Variants in ZNF385B observed in about 807,000 individuals in gnomAD.
ZNF385B encodes zinc finger protein 533.
In ZNF385B, 23 loss-of-function variants were observed where a neutral mutation model predicts 39.2. That is an observed-to-expected ratio of 0.59 (90% CI 0.42 to 0.83). The LOEUF (loss-of-function observed/expected upper bound fraction) is 0.83, where lower values mean the gene tolerates loss of function less well. ZNF385B is among the 40% of genes least tolerant of loss of function. ZNF385B has a pLI of 0.00. For synonymous variants in ZNF385B, 205 were observed against 222.6 expected, an observed-to-expected ratio of 0.92 and a Z score of 0.70; for missense variants, 552 against 598.9, an observed-to-expected ratio of 0.92 and a Z score of 0.82.
At chr2:179,590,825 C>T (rs919760728) in intron 3 of ZNF385B, among the ~76,000 whole-genome samples, 3 of 152,072 alleles carry the variant, frequency 2.0e-5, no homozygotes, top group Admixed American at 1.3e-4. Flanking sequence ...CCTTACACAC[C>T]CCTTGCCTTC....
intron 1 of ZNF385B, among the ~76,000 whole-genome samples, chr2:179,794,735 T>G (rs1705549159): frequency 6.6e-6 from 1 of 152,118 alleles, no homozygotes. Context: ...CCTAGTTACC[T>G]TGAATCTGCA....
At chr2:179,463,060 A>C (rs780885827) in intron 6 of ZNF385B, among the ~76,000 whole-genome samples, 19 of 152,160 alleles carry the variant, frequency 1.2e-4, no homozygotes, top group Non-Finnish European at 2.1e-4. Flanking sequence ...TCAATAAATA[A>C]AACAGGGAGA....
chr2:179,844,514 C>T (rs1181509008), intron 1 of ZNF385B, among the ~76,000 whole-genome samples: 1 of 152,176 alleles, frequency 6.6e-6, no homozygotes, highest in South Asian at 2.1e-4. Flanking sequence ...CACAGTCAAG[C>T]ACCCCATAGT....
At chr2:179,733,274 T>G (rs1701512978) in intron 3 of ZNF385B, among the ~76,000 whole-genome samples, 2 of 152,164 alleles carry the variant, frequency 1.3e-5, no homozygotes. Flanking sequence ...ATCATCCAGT[T>G]ACCTGGTGGG....
chr2:179,576,591 C>T (rs987462585), intron 3 of ZNF385B, among the ~76,000 whole-genome samples: 2 of 152,102 alleles, frequency 1.3e-5, no homozygotes, highest in African/African-American at 2.4e-5. Context: ...TCCACATCAC[C>T]GTAGTTACTG....
chr2:179,495,027 G>A (rs996716162), intron 5 of ZNF385B, among the ~76,000 whole-genome samples: 21 of 152,050 alleles, frequency 1.4e-4, no homozygotes, highest in South Asian at 2.1e-4. Context: ...ATATCAGCAC[G>A]GCCACAGAGG....
At chr2:179,636,833 C>T (rs564414806) in intron 3 of ZNF385B, among the ~76,000 whole-genome samples, 2 of 152,110 alleles carry the variant, frequency 1.3e-5, no homozygotes, top group African/African-American at 2.4e-5. Flanking sequence ...AAGCCAAGCA[C>T]ATAATTTTAC....
At chr2:179,739,773 A>C (rs1408138390) in intron 3 of ZNF385B, among the ~76,000 whole-genome samples, 1 of 152,138 alleles carries the variant, frequency 6.6e-6, no homozygotes, top group African/African-American at 2.4e-5. Flanking sequence ...GCAAGTGATA[A>C]GCATCAGAGA....
At chr2:179,638,881 G>A (rs1323447643) in intron 3 of ZNF385B, among the ~76,000 whole-genome samples, 2 of 152,064 alleles carry the variant, frequency 1.3e-5, no homozygotes, top group African/African-American at 4.8e-5. Flanking sequence ...GGCACAATTT[G>A]AGTATCAAAA....
At chr2:179,807,023 A>G (rs568106063) in intron 1 of ZNF385B, among the ~76,000 whole-genome samples, 1 of 152,228 alleles carries the variant, frequency 6.6e-6, no homozygotes, top group Non-Finnish European at 1.5e-5. Context: ...CATTCGGAAG[A>G]TATGTATTCT....
chr2:179,724,487 A>G (rs901020480), intron 3 of ZNF385B, among the ~76,000 whole-genome samples: 2 of 152,188 alleles, frequency 1.3e-5, no homozygotes, highest in Non-Finnish European at 2.9e-5. Context: ...AGACATGCCA[A>G]TCAAGGTAGA....
chr2:179,850,035 G>A (rs1422375135), intron 1 of ZNF385B, among the ~76,000 whole-genome samples: 1 of 152,138 alleles, frequency 6.6e-6, no homozygotes, highest in Non-Finnish European at 1.5e-5. Flanking sequence ...TGGGATCTGT[G>A]CCTTTTGCTG....
At chr2:179,853,280 T>G (rs1485579904) in intron 1 of ZNF385B, among the ~76,000 whole-genome samples, 1 of 152,224 alleles carries the variant, frequency 6.6e-6, no homozygotes, top group Non-Finnish European at 1.5e-5. Flanking sequence ...CCTGTTTACA[T>G]AAACTGGCTT....
intron 3 of ZNF385B, among the ~76,000 whole-genome samples, chr2:179,545,262 T>C (rs1307734220): frequency 6.6e-6 from 1 of 152,188 alleles, no homozygotes; most frequent in African/African-American, 2.4e-5. Context: ...AGAATGAGAA[T>C]GTCCTGTTGG....
intron 3 of ZNF385B, among the ~76,000 whole-genome samples, chr2:179,558,684 C>A (rs1477051973): frequency 6.6e-6 from 1 of 152,068 alleles, no homozygotes; most frequent in Non-Finnish European, 1.5e-5. Flanking sequence ...GCATATGTAT[C>A]CCAAGGCCAC....
At chr2:179,705,766 A>G (rs559215569) in intron 3 of ZNF385B, among the ~76,000 whole-genome samples, 4 of 152,360 alleles carry the variant, frequency 2.6e-5, no homozygotes, top group South Asian at 4.1e-4. Flanking sequence ...TATTGTTGCA[A>G]CTACTCAATT....
At chr2:179,644,557 T>C (rs774372604) in intron 3 of ZNF385B, among the ~76,000 whole-genome samples, 1 of 152,210 alleles carries the variant, frequency 6.6e-6, no homozygotes, top group Non-Finnish European at 1.5e-5. Flanking sequence ...AAGAGAGATA[T>C]GTATTTCAAA....
intron 3 of ZNF385B, among the ~76,000 whole-genome samples, chr2:179,658,027 T>C (rs551791262): frequency 6.6e-6 from 1 of 152,282 alleles, no homozygotes; most frequent in East Asian, 1.9e-4. Flanking sequence ...CTTGGGCAAA[T>C]GAAGAGGTCA....
rs115402536 is a variant in ZNF385B at position 179,518,221 on chromosome 2, T to A, written c.552+307A>T. On this transcript the variant is annotated intron_variant, in intron 5 of 9. Transcript: ENST00000410066. The stretch of plus-strand genomic sequence containing the variant: ...GCCACTTATAGACTATTGTCTATAA[T>A]CCTCTATTGGTTTTAAAATTTGTAT... Among the ~76,000 whole-genome samples the A allele has an allele frequency of 5.9e-3, 903 of 152,334 alleles. 11 individuals are homozygous for A. Among genetic ancestry groups the A allele is most frequent in the African/African-American group, 0.021 (858 of 41,578 alleles).
Sources: gnomAD v4.1 joint callset for allele counts (sites outside exome capture counted in the v4.1 genomes callset) on GRCh38, gnomAD v4.1.1 for gene constraint, MANE v1.5 for transcripts, NCBI Gene and HGNC (gene_info 2026-07-23, HGNC 2026-07-21) for gene names.